The following SYNE1 variants were observed in gnomAD, a reference collection of about 807,000 sequenced individuals.
The protein encoded by SYNE1 is spectrin repeat containing nuclear envelope protein 1, also known as nesprin-1.
In SYNE1, 616 loss-of-function variants were observed where a neutral mutation model predicts 1,111.0. The observed-to-expected ratio is 0.55, with a 90% CI of 0.52 to 0.59. The LOEUF is 0.59. Ranked by LOEUF, SYNE1 falls within the 20% of genes least tolerant of loss-of-function variation. The pLI is 0.00. For missense variants in SYNE1, 10,006 were observed against 10,417.0 expected (o/e 0.96, Z 1.72); for synonymous variants, 3,855 against 3,825.8 (o/e 1.01, Z -0.28).
At chr6:152,634,067 G>T (rs1220944269) in intron 2 of SYNE1, among the ~76,000 whole-genome samples, 2 of 152,246 alleles carry the variant, frequency 1.3e-5, no homozygotes, top group African/African-American at 2.4e-5. Flanking sequence ...ATGGACATTG[G>T]CTCTTAAAGC....
intron 14 of SYNE1, chr6:152,472,668 T>C (rs2098813270): frequency 1.4e-6 from 1 of 701,396 alleles, no homozygotes; most frequent in African/African-American, 1.7e-5. Context: ...TGCACAGCAA[T>C]GCATTCAGAC....
At chr6:152,256,468 A>T (rs2153628074) in intron 102 of SYNE1, among the ~76,000 whole-genome samples, 166 bp downstream of exon 102, 1 of 151,886 alleles carries the variant, frequency 6.6e-6, no homozygotes, top group South Asian at 2.1e-4. Context: ...ATAAATAAAT[A>T]GGATGGGACT....
At chr6:152,282,094 CTT>C in intron 96 of SYNE1, 114 bp from the exon 97 acceptor site, 1 of 1,150,980 alleles carries the variant, frequency 8.7e-7, no homozygotes, top group Non-Finnish European at 1.3e-6. Flanking sequence ...ACTGGTAAAA[CTT>C]TTAAAAATTT....
intron 3 of SYNE1, among the ~76,000 whole-genome samples, chr6:152,624,656 A>T (rs1389788637): frequency 6.6e-6 from 1 of 152,174 alleles, no homozygotes; most frequent in Non-Finnish European, 1.5e-5. Context: ...AGTTCCAGAA[A>T]CATTCATTAT....
intron 130 of SYNE1, among the ~76,000 whole-genome samples, chr6:152,166,970 G>A (rs1197472766): frequency 1.3e-5 from 2 of 152,168 alleles, no homozygotes; most frequent in Non-Finnish European, 2.9e-5. Flanking sequence ...TTTGGGTGAA[G>A]CGTCACAGTA....
Position 152,501,271 on chromosome 6 carries a change from G to A in SYNE1, c.888+1362C>T, listed in dbSNP as rs139416147. 2.7e-4 allele frequency among the ~76,000 whole-genome samples: 41 copies of A among 151,680 alleles called. No individual in the cohort carries two copies. The East Asian group carries it at 4.8e-3, about 18-fold the overall frequency. On this transcript the variant is annotated intron_variant, in intron 10 of 145. Coordinates refer to ENST00000367255, the MANE Select transcript of SYNE1 (RefSeq NM_182961.4). Reference sequence around the variant, plus strand: ...AAATATTAAAAGAATGGTCATGTCCGTTGTTTAAAAAAACAGGAAAACAGG... The same window carrying A: ...AAATATTAAAAGAATGGTCATGTCCATTGTTTAAAAAAACAGGAAAACAGG...
Position 152,207,963 on chromosome 6 carries a change from G to C in SYNE1, c.22824+9C>G. 1 of 1,613,850 alleles carries C rather than the reference G, an allele frequency of 6.2e-7. No homozygotes were observed. The highest frequency in any genetic ancestry group is 8.5e-7 in the Non-Finnish European group (1 of 1,179,748). ...AAGAGGTGTGAGAACACTGTGTTTT[G>C]CATCTTACCTGCACTTCATCAAAGA... On this transcript the variant is annotated intron_variant, in intron 125 of 145. Coordinates refer to ENST00000367255, the MANE Select transcript of SYNE1 (RefSeq NM_182961.4).
At chr6:152,299,295 C>G (rs1277934994) in intron 93 of SYNE1, among the ~76,000 whole-genome samples, 1 of 152,206 alleles carries the variant, frequency 6.6e-6, no homozygotes, top group Non-Finnish European at 1.5e-5. Context: ...AGCTTAATTT[C>G]TGTAATAACA....
chr6:152,617,857 G>A (rs1442314074), intron 3 of SYNE1, among the ~76,000 whole-genome samples: 1 of 152,198 alleles, frequency 6.6e-6, no homozygotes, highest in Non-Finnish European at 1.5e-5. Context: ...AAGGTAAAAA[G>A]AACATGTAAG....
At chr6:152,242,494 TA>T in intron 106 of SYNE1, 54 bp from the exon 107 acceptor site, 1 of 1,598,248 alleles carries the variant, frequency 6.3e-7, no homozygotes, top group Non-Finnish European at 8.6e-7. Context: ...GGCAACCCTC[TA>T]AAAGCATATG....
In SYNE1 at chr6:152,484,847, TC is replaced by T. The variant is rs754275743; in HGVS notation, c.1172del (p.Arg391LysfsTer2). ...DQALVKQSWD[R>X]VTSRLFDWHI... ...TGGGAGAACTTACCCTGGAGGTCAC[TC>T]TATCCCAAGATTGTTTTACCAATGC... On this transcript the variant is annotated frameshift_variant, in exon 13 of 146. Transcript: ENST00000367255. LOFTEE classifies it high-confidence loss of function. The T allele has an allele frequency of 2.5e-6, 4 of 1,613,986 alleles. No individual in the cohort carries two copies. The African/African-American group carries it at 4.0e-5, about 16-fold the overall frequency.
intron 81 of SYNE1, 61 bp from the exon 82 acceptor site, chr6:152,323,798 A>G: frequency 6.3e-7 from 1 of 1,586,698 alleles, no homozygotes; most frequent in Non-Finnish European, 8.6e-7. Context: ...AAATAGGGTA[A>G]CTCCCATAAA....
intron 131 of SYNE1, among the ~76,000 whole-genome samples, chr6:152,159,340 T>A (rs1469441883): frequency 6.6e-6 from 1 of 152,204 alleles, no homozygotes; most frequent in African/African-American, 2.4e-5. Flanking sequence ...GTTCAAATAG[T>A]TATGGCTTTG....
chr6:152,222,704 A>G (rs2080465358), intron 117 of SYNE1, among the ~76,000 whole-genome samples: 2 of 152,212 alleles, frequency 1.3e-5, no homozygotes, highest in Non-Finnish European at 2.9e-5. Flanking sequence ...TAGAGAGTAG[A>G]ATGGTAGTTA....
intron 8 of SYNE1, among the ~76,000 whole-genome samples, chr6:152,507,827 A>T (rs1291216697): frequency 1.3e-5 from 2 of 152,230 alleles, no homozygotes; most frequent in Non-Finnish European, 2.9e-5. Flanking sequence ...GATAATATGT[A>T]TTGATAGTGG....
rs6905339 is a variant in SYNE1 at position 152,353,919 on chromosome 6, T to C, written c.10927-175A>G. 0.57 allele frequency among the ~76,000 whole-genome samples: 87,354 copies of C among 152,078 alleles called. 25,250 individuals carry two copies. Among genetic ancestry groups the C allele is most frequent in the East Asian group, 0.62 (3,214 of 5,174 alleles). On this transcript the variant is annotated intron_variant, in intron 67 of 145. Transcript: ENST00000367255. Reference sequence around the variant, plus strand: ...TAAATATTATATTACAACAATGTGATACAAACTGTACACTTGAGTTGGATA... The same window carrying C: ...TAAATATTATATTACAACAATGTGACACAAACTGTACACTTGAGTTGGATA...
intron 95 of SYNE1, 68 bp from the exon 96 acceptor site, chr6:152,284,240 T>A: frequency 6.6e-7 from 1 of 1,509,514 alleles, no homozygotes; most frequent in South Asian, 1.2e-5. Flanking sequence ...TAGCACTAGC[T>A]GAGTCTCACA....
At chr6:152,241,630 T>C (rs942548701) in intron 107 of SYNE1, among the ~76,000 whole-genome samples, 25 of 151,920 alleles carry the variant, frequency 1.6e-4, no homozygotes, top group African/African-American at 6.0e-4. Context: ...GATTACATAG[T>C]AAACGGCCTT....
chr6:152,409,285 AC>A, intron 43 of SYNE1, 59 bp from the exon 44 acceptor site: 1 of 1,539,938 alleles, frequency 6.5e-7, no homozygotes, highest in Non-Finnish European at 8.9e-7. Context: ...TGAGTTTAAA[AC>A]CATTTGTCTC....
Sources: allele counts gnomAD v4.1 joint callset (sites outside exome capture counted in the v4.1 genomes callset), GRCh38; gene constraint gnomAD v4.1.1; transcripts MANE v1.5; gene names NCBI Gene and HGNC (gene_info 2026-07-23, HGNC 2026-07-21).